C16orf87: variants seen among roughly 807,000 people sequenced by gnomAD.
C16orf87 encodes the protein HDAC and MIER1 interacting protein 1, also known as UPF0547 protein C16orf87.
A neutral mutation model predicts 21.0 loss-of-function variants in C16orf87; 13 were observed. The observed-to-expected ratio is 0.62, with a 90% CI of 0.40 to 0.98. C16orf87 has a LOEUF of 0.98. Ranked by LOEUF, C16orf87 falls within the 50% of genes least tolerant of loss-of-function variation. C16orf87 has a pLI of 0.00. For synonymous variants in C16orf87, 49 were observed against 60.2 expected, an observed-to-expected ratio of 0.81 and a Z score of 0.86; for missense variants, 113 against 180.4, an observed-to-expected ratio of 0.63 and a Z score of 2.14.
intron 3 of C16orf87, among the ~76,000 whole-genome samples, chr16:46,804,331 C>A (rs543138167): frequency 6.6e-6 from 1 of 152,288 alleles, no homozygotes; most frequent in South Asian, 2.1e-4. Flanking sequence ...GTTGGGTGGA[C>A]CCACCTTTGT....
intron 2 of C16orf87, among the ~76,000 whole-genome samples, chr16:46,820,568 T>C (rs1959379475): frequency 6.6e-6 from 1 of 152,252 alleles, no homozygotes; most frequent in Non-Finnish European, 1.5e-5. Context: ...AACTAAAAGA[T>C]AATTTAGCTA....
rs1465054357 is a variant in C16orf87 at position 46,799,186 on chromosome 16, GATAGTTA to G, written c.*3759_*3765del. 5 of 152,106 alleles carry G rather than the reference GATAGTTA, an allele frequency of 3.3e-5. No homozygotes were observed. The highest frequency in any genetic ancestry group is 1.2e-4 in the African/African-American group (5 of 41,438). The allele number at this position is 152,106 out of a possible 1,614,324, so 9.4% of individuals were successfully genotyped here. On this transcript the variant is annotated 3_prime_UTR_variant, in exon 4 of 4. Coordinates refer to ENST00000285697, the MANE Select transcript of C16orf87 (RefSeq NM_001001436.4). ...CTGGAGAGTCTGCTTTGTATGTTAG[GATAGTTA>G]TTAGTATAGTTGTAATCTTTGAGTA...
Position 46,804,817 on chromosome 16 carries a change from TTC to T in C16orf87, c.347-1749_347-1748del, listed in dbSNP as rs754122783. Among the ~76,000 whole-genome samples, 6 of 152,188 alleles carry T rather than the reference TTC, an allele frequency of 3.9e-5. No homozygotes were observed. The East Asian group carries it at 1.2e-3, about 29-fold the overall frequency. ...TCTGATTTCTATTACCACAGAATCA[TTC>T]TGTCTGTTCCTAAACTTCATATAAA... is the stretch of plus-strand genomic sequence containing the variant. On this transcript the variant is annotated intron_variant, in intron 3 of 3. Transcript: ENST00000285697.
chr16:46,809,263 G>C (rs1407494407), intron 3 of C16orf87, among the ~76,000 whole-genome samples: 5 of 151,532 alleles, frequency 3.3e-5, no homozygotes, highest in African/African-American at 1.2e-4. Context: ...CTCCAGCCTG[G>C]GTGACAGAAC....
rs1452979441 is a variant in C16orf87 at position 46,802,883 on chromosome 16, G to A, written c.*69C>T. 6.4e-6 allele frequency: 5 copies of A among 775,358 alleles called. No homozygotes were observed. Among genetic ancestry groups the A allele is most frequent in the South Asian group, 5.9e-5 (4 of 68,116 alleles). 48.0% of individuals were successfully genotyped at this position (775,358 alleles called of 1,614,324 possible). ...TGATGCAGTCAGAATGCTCCTGAGA[G>A]TCCATAACTGTTTGAGAATTTGCTG... On this transcript the variant is annotated 3_prime_UTR_variant, in exon 4 of 4. Coordinates refer to ENST00000285697, the MANE Select transcript of C16orf87 (RefSeq NM_001001436.4).
At chr16:46,804,378 A>G (rs909729730) in intron 3 of C16orf87, among the ~76,000 whole-genome samples, 3 of 152,146 alleles carry the variant, frequency 2.0e-5, no homozygotes, top group Non-Finnish European at 2.9e-5. Flanking sequence ...TTATTTCTTC[A>G]TTTTGGTAGC....
At chr16:46,811,959 A>C (rs1431421501) in intron 2 of C16orf87, among the ~76,000 whole-genome samples, 1 of 151,604 alleles carries the variant, frequency 6.6e-6, no homozygotes, top group Non-Finnish European at 1.5e-5. Context: ...TTCTTAAACA[A>C]ATGACAGGGT....
chr16:46,809,873 T>C (rs1968034443), intron 2 of C16orf87, 88 bp from the exon 3 acceptor site: 1 of 797,284 alleles, frequency 1.3e-6, no homozygotes, highest in South Asian at 1.7e-5. Flanking sequence ...TCTTTCTAAA[T>C]AGCACTAGAG....
At chr16:46,806,562 T>C (rs1967936178) in intron 3 of C16orf87, among the ~76,000 whole-genome samples, 2 of 152,180 alleles carry the variant, frequency 1.3e-5, no homozygotes, top group African/African-American at 4.8e-5. Context: ...CCTGACCCAT[T>C]CATTCTTAAG....
intron 3 of C16orf87, among the ~76,000 whole-genome samples, chr16:46,807,682 T>A (rs937881012): frequency 6.6e-6 from 1 of 152,188 alleles, no homozygotes; most frequent in African/African-American, 2.4e-5. Flanking sequence ...ATGGTCTACA[T>A]AAGATTCCAG....
chr16:46,824,501 A>G lies in C16orf87; in HGVS notation c.67-19T>C. 1 of 1,078,350 alleles carries G rather than the reference A, an allele frequency of 9.3e-7. No homozygotes were observed. The highest frequency in any genetic ancestry group is 1.4e-6 in the Non-Finnish European group (1 of 731,882). 66.8% of individuals were successfully genotyped at this position (1,078,350 alleles called of 1,614,324 possible). ...CAGGAACCTGTAGGAAAAAAAGAAA[A>G]ATATATATTATTACTATTTTTCTAT... On this transcript the variant is annotated intron_variant, in intron 1 of 3. Coordinates refer to ENST00000285697, the MANE Select transcript of C16orf87 (RefSeq NM_001001436.4).
intron 1 of C16orf87, chr16:46,830,854 G>C (rs952879671): frequency 3.6e-5 from 13 of 358,464 alleles, no homozygotes; most frequent in Non-Finnish European, 3.0e-5. Context: ...ACAGCAAGAA[G>C]GGGCTTGGCC....
chr16:46,806,256 T>C (rs1024317815), intron 3 of C16orf87, among the ~76,000 whole-genome samples: 2 of 132,166 alleles, frequency 1.5e-5, no homozygotes, highest in Non-Finnish European at 3.2e-5. Flanking sequence ...TCTACATTCA[T>C]TTTTTTTTTT....
chr16:46,817,748 C>T (rs1343212229), intron 2 of C16orf87, among the ~76,000 whole-genome samples: 1 of 151,476 alleles, frequency 6.6e-6, no homozygotes, highest in Admixed American at 6.6e-5. Flanking sequence ...GAAAGAAATC[C>T]TAGTACAATA....
At chr16:46,814,842 GAAT>G (rs1968193692) in intron 2 of C16orf87, among the ~76,000 whole-genome samples, 1 of 152,092 alleles carries the variant, frequency 6.6e-6, no homozygotes, top group East Asian at 1.9e-4. Context: ...TTATCATTAA[GAAT>G]AAGATTATTT....
chr16:46,822,876 A>C (rs1959474809), intron 2 of C16orf87, among the ~76,000 whole-genome samples: 1 of 152,218 alleles, frequency 6.6e-6, no homozygotes, highest in Non-Finnish European at 1.5e-5. Context: ...GTTTACAAAC[A>C]AAATCCAAAC....
At chr16:46,820,681 T>A (rs1567314833) in intron 2 of C16orf87, among the ~76,000 whole-genome samples, 1 of 152,194 alleles carries the variant, frequency 6.6e-6, no homozygotes, top group Non-Finnish European at 1.5e-5. Flanking sequence ...TCATTGTGTA[T>A]ATAAACAATT....
chr16:46,802,941 G>A lies in C16orf87; in HGVS notation c.*11C>T. 2 of 1,274,116 alleles carry A rather than the reference G, an allele frequency of 1.6e-6. No individual in the cohort carries two copies. Among genetic ancestry groups the A allele is most frequent in the Non-Finnish European group, 2.3e-6 (2 of 875,980 alleles). The allele number at this position is 1,274,116 out of a possible 1,614,324, so 78.9% of individuals were successfully genotyped here. On this transcript the variant is annotated 3_prime_UTR_variant, in exon 4 of 4. Coordinates refer to ENST00000285697, the MANE Select transcript of C16orf87 (RefSeq NM_001001436.4). ...CCTGACAGAAGTTTCAGCAGATTTT[G>A]CAAACAAGTATCAGAGAATAAGTCT...
chr16:46,821,109 A>T, intron 2 of C16orf87, among the ~76,000 whole-genome samples: 1 of 152,252 alleles, frequency 6.6e-6, no homozygotes, highest in Admixed American at 6.5e-5. Context: ...GGGATTATCC[A>T]AGGCAAATCT....
Sources: gnomAD v4.1 joint callset for allele counts (sites outside exome capture counted in the v4.1 genomes callset) on GRCh38, gnomAD v4.1.1 for gene constraint, MANE v1.5 for transcripts, NCBI Gene and HGNC (gene_info 2026-07-23, HGNC 2026-07-21) for gene names.